Variants in NEURL1 observed in about 807,000 individuals in gnomAD.
NEURL1 encodes the protein neuralized E3 ubiquitin protein ligase 1.
In NEURL1, 26 loss-of-function variants were observed where a neutral mutation model predicts 41.2. The ratio of observed to expected loss-of-function variants is 0.63; its 90% confidence interval spans 0.46 to 0.87. The LOEUF (loss-of-function observed/expected upper bound fraction) is 0.87. Among genes scored for constraint, NEURL1 ranks in the 40% least tolerant of loss-of-function variants. The pLI is 0.00. For missense variants in NEURL1, 761 were observed against 871.1 expected (o/e 0.87, Z 1.59); for synonymous variants, 400 against 402.3 (o/e 0.99, Z 0.07).
At chr10:103,571,193 C>A in intron 2 of NEURL1, 80 bp downstream of exon 2, 1 of 1,426,422 alleles carries the variant, frequency 7.0e-7, no homozygotes, top group Non-Finnish European at 9.6e-7. Flanking sequence ...TGGACTCTGC[C>A]CCTCAGCCGC....
At position 103,558,366 on chromosome 10, in the gene NEURL1, ATGTG is replaced by A; in HGVS notation, c.86-12504_86-12501del. On this transcript the variant is annotated intron_variant, in intron 1 of 5. Transcript: ENST00000369780. The surrounding 1 kb of genome is among the most constrained non-coding windows in gnomAD (Gnocchi z 4.2). ...CTCTCTGAGCTTCTGATGTCAACAG[ATGTG>A]TATCTGTGTTTTAGATCTCTGTGTA... is the stretch of plus-strand genomic sequence containing the variant. 15 of 419,150 alleles carry A rather than the reference ATGTG, an allele frequency of 3.6e-5. No individual in the cohort carries two copies. Among genetic ancestry groups the A allele is most frequent in the Non-Finnish European group, 4.5e-5 (14 of 312,696 alleles). The allele number at this position is 419,150 out of a possible 1,614,324, so 26.0% of individuals were successfully genotyped here.
At chr10:103,497,354 G>C (rs2033710164) in intron 1 of NEURL1, among the ~76,000 whole-genome samples, 1 of 152,186 alleles carries the variant, frequency 6.6e-6, no homozygotes, top group Admixed American at 6.5e-5. Context: ...TACTCAGCTT[G>C]AATTCATCTC....
Position 103,556,957 on chromosome 10 carries a change from C to G in NEURL1, c.86-13915C>G, listed in dbSNP as rs1001703131. ...AGGACAGAGAGGCTCTCAGAGCAGA[C>G]TCAGGACATAGTACACTGTCCTCCA... On this transcript the variant is annotated intron_variant, in intron 1 of 5. Coordinates refer to ENST00000369780, the MANE Select transcript of NEURL1 (RefSeq NM_004210.5). The surrounding 1 kb of genome is among the most constrained non-coding windows in gnomAD (Gnocchi z 4.4). Among the ~76,000 whole-genome samples the G allele has an allele frequency of 2.6e-5, 4 of 152,244 alleles. No homozygotes were observed. Among genetic ancestry groups the G allele is most frequent in the African/African-American group, 9.6e-5 (4 of 41,460 alleles).
Position 103,584,482 on chromosome 10 carries a change from C to CTG in NEURL1, c.650-54_650-53insTG. 3 of 1,210,500 alleles carry CTG rather than the reference C, an allele frequency of 2.5e-6. No individual in the cohort carries two copies. The South Asian group carries it at 7.9e-5, about 32-fold the overall frequency. 75.0% of individuals were successfully genotyped at this position (1,210,500 alleles called of 1,614,324 possible). A position where few individuals can be genotyped will look rare whatever the true frequency, so the allele number is the denominator to read the frequency against. On this transcript the variant is annotated intron_variant, in intron 3 of 5. Coordinates refer to ENST00000369780, the MANE Select transcript of NEURL1 (RefSeq NM_004210.5). ...CGTAGGGACCGGACAGCGGGGCGCGCCGGGGCCGCCTCCCGAGAGCCCTGC... is the reference window on the plus strand; with the variant it reads ...CGTAGGGACCGGACAGCGGGGCGCGCTGCGGGGCCGCCTCCCGAGAGCCCTGC...
In NEURL1 at chr10:103,584,622, G is replaced by A. The variant is rs753624778; in HGVS notation, c.736G>A (p.Ala246Thr). The A allele has an allele frequency of 4.2e-6, 6 of 1,421,002 alleles. No homozygotes were observed. The highest frequency in any genetic ancestry group is 1.5e-5 in the South Asian group (1 of 68,954). 88.0% of individuals were successfully genotyped at this position (1,421,002 alleles called of 1,614,324 possible). A position where few individuals can be genotyped will look rare whatever the true frequency, so the allele number is the denominator to read the frequency against. The change falls in exon 4 of 6, where the codon GCG becomes ACG. Residue 246 changes from alanine to threonine, a missense_variant. This residue lies in a region of NEURL1 where 114 missense variants were observed against 144.8 expected (regional missense o/e 0.79). Transcript: ENST00000369780. ...RPSLRREADD[A>T]RLSVSLCDLN... ...GTCGCTGCGGCGCGAGGCGGACGAC[G>A]CGCGCCTCTCGGTGAGCCTATGCGA...
intron 1 of NEURL1, chr10:103,550,723 C>A (rs1198341463): frequency 1.3e-5 from 2 of 152,274 alleles, no homozygotes; most frequent in African/African-American, 4.8e-5. Flanking sequence ...CTCCTCTAAG[C>A]AAGAGGGGCC....
chr10:103,544,096 G>A (rs929223442), intron 1 of NEURL1, among the ~76,000 whole-genome samples: 3 of 152,184 alleles, frequency 2.0e-5, no homozygotes, highest in South Asian at 2.1e-4. Flanking sequence ...AGAGGGGGAC[G>A]GAGGCTGGAA....
intron 1 of NEURL1, among the ~76,000 whole-genome samples, chr10:103,521,716 G>A (rs1409624667): frequency 6.6e-6 from 1 of 152,220 alleles, no homozygotes; most frequent in Non-Finnish European, 1.5e-5. Flanking sequence ...TGTGGGAAGA[G>A]ATTGATAGGC....
At chr10:103,577,823 C>T (rs2035696907) in intron 3 of NEURL1, 2 of 152,240 alleles carry the variant, frequency 1.3e-5, no homozygotes, top group Admixed American at 1.3e-4. Flanking sequence ...CCCGGAGGCT[C>T]CCGAGGGCTT....
At chr10:103,575,868 T>C (rs2035651362) in intron 3 of NEURL1, among the ~76,000 whole-genome samples, 2 of 152,250 alleles carry the variant, frequency 1.3e-5, no homozygotes, top group South Asian at 2.1e-4. Context: ...GGGTGATTAA[T>C]ACATGGAAAA....
At position 103,566,378 on chromosome 10, in the gene NEURL1, A is replaced by G. The variant is rs1445501256; in HGVS notation, c.86-4494A>G. ...CTCTTTGTAGTCAAATCTCTCCCCT[A>G]CTCTCCTTCTCTGATACCTACTGAT... On this transcript the variant is annotated intron_variant, in intron 1 of 5. Coordinates refer to ENST00000369780, the MANE Select transcript of NEURL1 (RefSeq NM_004210.5). This position sits in a 1 kb window ranked among gnomAD's most constrained non-coding sequence, Gnocchi z 4.2. Among the ~76,000 whole-genome samples the G allele has an allele frequency of 1.3e-5, 2 of 150,852 alleles. No homozygotes were observed. The highest frequency in any genetic ancestry group is 4.9e-5 in the African/African-American group (2 of 40,952).
chr10:103,553,386 T>A (rs544109002), intron 1 of NEURL1, among the ~76,000 whole-genome samples: 4 of 152,270 alleles, frequency 2.6e-5, no homozygotes, highest in Non-Finnish European at 5.9e-5. Flanking sequence ...GAACTGGGTA[T>A]GTGTGCCAGG....
intron 1 of NEURL1, among the ~76,000 whole-genome samples, chr10:103,502,579 C>T (rs1483091002): frequency 6.6e-6 from 1 of 152,176 alleles, no homozygotes. Flanking sequence ...ACCCTATCTC[C>T]AAATATAGTC....
chr10:103,505,198 C>A (rs894391226), intron 1 of NEURL1, among the ~76,000 whole-genome samples: 1 of 151,502 alleles, frequency 6.6e-6, no homozygotes, highest in Non-Finnish European at 1.5e-5. Flanking sequence ...GGTCTACAGG[C>A]ACACAATACC....
intron 1 of NEURL1, among the ~76,000 whole-genome samples, chr10:103,564,046 G>C (rs988651758): frequency 1.3e-5 from 2 of 152,158 alleles, no homozygotes; most frequent in Non-Finnish European, 2.9e-5. Flanking sequence ...GCCCAGCCTA[G>C]GGCATCTGGG....
intron 1 of NEURL1, among the ~76,000 whole-genome samples, chr10:103,538,377 C>T (rs1238818134): frequency 3.3e-5 from 5 of 152,066 alleles, no homozygotes; most frequent in African/African-American, 7.2e-5. Flanking sequence ...TCAAGACCAG[C>T]GTGGACAGCA....
intron 1 of NEURL1, among the ~76,000 whole-genome samples, chr10:103,504,451 G>A (rs1249292278): frequency 2.6e-5 from 4 of 152,070 alleles, no homozygotes; most frequent in African/African-American, 7.2e-5. Context: ...ATTAGATTGC[G>A]GTTTTAGGTT....
intron 1 of NEURL1, among the ~76,000 whole-genome samples, chr10:103,505,693 C>T (rs1017197690): frequency 6.6e-6 from 1 of 151,616 alleles, no homozygotes; most frequent in Non-Finnish European, 1.5e-5. Context: ...TTAAAAAGCA[C>T]CCTAGACGGG....
intron 1 of NEURL1, among the ~76,000 whole-genome samples, chr10:103,530,820 A>G (rs1320216499): frequency 4.8e-5 from 2 of 41,612 alleles, no homozygotes; most frequent in Admixed American, 5.7e-4. Context: ...GGATTACAGG[A>G]TGAGCCACCA....
Sources: allele counts gnomAD v4.1 joint callset (sites outside exome capture counted in the v4.1 genomes callset), GRCh38; gene constraint gnomAD v4.1.1; regional missense constraint gnomAD v4.1.1; non-coding constraint Gnocchi (gnomAD v3.1); transcripts MANE v1.5; gene names NCBI Gene and HGNC (gene_info 2026-07-23, HGNC 2026-07-21).